The following RNASE4 variants were observed in gnomAD, a reference collection of about 807,000 sequenced individuals.
RNASE4 encodes the protein ribonuclease A family member 4.
For synonymous variants in RNASE4, 93 were observed against 71.4 expected (o/e 1.30, Z -1.52); for missense variants, 194 against 192.8 (o/e 1.01, Z -0.04).
rs542112339 is a variant in RNASE4 at position 20,688,276 on chromosome 14, G to A, written c.-18+3518G>A. ...AACCTTCTCTGGAAGTGCTTTCCTG[G>A]CTGTATGAAATCGATGGAATAACGT... On this transcript the variant is annotated intron_variant, in intron 1 of 1. Coordinates refer to ENST00000555835, the MANE Select transcript of RNASE4 (RefSeq NM_002937.5). Among the ~76,000 whole-genome samples the A allele has an allele frequency of 2.0e-5, 3 of 152,200 alleles. No individual in the cohort carries two copies. In the East Asian group the frequency reaches 5.8e-4, roughly 29 times the overall value.
chr14:20,688,514 C>A (rs565899528), intron 1 of RNASE4, among the ~76,000 whole-genome samples: 5 of 152,248 alleles, frequency 3.3e-5, no homozygotes, highest in Admixed American at 2.0e-4. Flanking sequence ...AAACCTCAGT[C>A]CTGCCATGAA....
chr14:20,699,747 G>T lies in RNASE4; in HGVS notation c.376G>T (p.Ala126Ser). 6.2e-7 allele frequency: 1 copy of T among 1,611,514 alleles called. No homozygotes were observed. Residue 126 changes from alanine (A) to serine (S), a missense_variant, in exon 2 of 2, where the codon GCG (alanine) becomes TCG (serine). Physicochemically the swap from Ala to Ser is moderately conservative, Grantham distance 99 (BLOSUM62 1). Transcript: ENST00000555835. Reference protein sequence around the residue: ...RAPNCRYRAIASTRRVVIACE... With the variant: ...RAPNCRYRAISSTRRVVIACE... ...ACCCAACTGCAGATATCGGGCCATA[G>T]CGAGCACTAGACGTGTTGTCATTGC...
At chr14:20,689,915 C>CAAA (rs58958050) in intron 1 of RNASE4, among the ~76,000 whole-genome samples, 50 of 121,536 alleles carry the variant, frequency 4.1e-4, no homozygotes, top group South Asian at 1.3e-3. Context: ...GACTCTGTCT[C>CAAA]AAAAAAAAAA....
intron 1 of RNASE4, chr14:20,694,139 G>A: frequency 1.0e-6 from 1 of 960,366 alleles, no homozygotes; most frequent in Non-Finnish European, 1.7e-6. Flanking sequence ...TTTGTTTTCT[G>A]TTTGACAACA....
intron 1 of RNASE4, among the ~76,000 whole-genome samples, chr14:20,697,152 T>C (rs1306261874): frequency 6.6e-6 from 1 of 152,232 alleles, no homozygotes; most frequent in South Asian, 2.1e-4. Context: ...AAAGCTGACG[T>C]CCTGGGTCTG....
At chr14:20,688,655 C>A in intron 1 of RNASE4, 1 of 983,190 alleles carries the variant, frequency 1.0e-6, no homozygotes, top group Non-Finnish European at 1.2e-6. Context: ...TCATGCCCAG[C>A]GAAAAGGTGA....
intron 1 of RNASE4, chr14:20,693,336 A>T (rs1258549063): frequency 1.6e-6 from 1 of 630,442 alleles, no homozygotes; most frequent in Non-Finnish European, 2.8e-6. Flanking sequence ...TTGGAGCTAG[A>T]GGTTGTGCTC....
chr14:20,692,594 A>AGAG (rs1886824879), intron 1 of RNASE4, among the ~76,000 whole-genome samples: 1 of 152,206 alleles, frequency 6.6e-6, no homozygotes, highest in Non-Finnish European at 1.5e-5. Flanking sequence ...TGCACTCTTT[A>AGAG]TGAGAATCTA....
Position 20,700,903 on chromosome 14 carries a change from A to G in RNASE4, c.*1088A>G, listed in dbSNP as rs1887269373. Reference sequence around the variant, plus strand: ...GGCCTGAAGCAACTGAAGAACCACAAAAGAAGTGAAAATAACCAATTCCTG... The same window carrying G: ...GGCCTGAAGCAACTGAAGAACCACAGAAGAAGTGAAAATAACCAATTCCTG... On this transcript the variant is annotated 3_prime_UTR_variant, in exon 2 of 2. Coordinates refer to ENST00000555835, the MANE Select transcript of RNASE4 (RefSeq NM_002937.5). 6.6e-6 allele frequency: 1 copy of G among 152,258 alleles called. No homozygotes were observed. The highest frequency in any genetic ancestry group is 2.1e-4 in the South Asian group (1 of 4,864). 9.4% of individuals were successfully genotyped at this position (152,258 alleles called of 1,614,324 possible).
chr14:20,695,950 T>G (rs1887079285), intron 1 of RNASE4, among the ~76,000 whole-genome samples: 1 of 152,212 alleles, frequency 6.6e-6, no homozygotes, highest in South Asian at 2.1e-4. Flanking sequence ...ACTAGAAAAT[T>G]TGCCATATTA....
chr14:20,690,950 C>A (rs1252428383), intron 1 of RNASE4, among the ~76,000 whole-genome samples: 2 of 152,202 alleles, frequency 1.3e-5, no homozygotes, highest in African/African-American at 4.8e-5. Context: ...AACCTGACAA[C>A]AGGTCGGTCT....
chr14:20,689,167 C>T (rs925416103), intron 1 of RNASE4, among the ~76,000 whole-genome samples: 6 of 152,182 alleles, frequency 3.9e-5, no homozygotes, highest in Admixed American at 2.0e-4. Flanking sequence ...GGAGTCCTCC[C>T]CCGTCGTCCA....
chr14:20,690,221 C>CAAAAAAAAAAA (rs36091065), intron 1 of RNASE4, among the ~76,000 whole-genome samples: 28 of 67,978 alleles, frequency 4.1e-4, no homozygotes, highest in African/African-American at 5.8e-4. Flanking sequence ...GACTCCGTCT[C>CAAAAAAAAAAA]AAAAAAAAAA....
intron 1 of RNASE4, among the ~76,000 whole-genome samples, chr14:20,694,723 T>C (rs1887019978): frequency 6.6e-6 from 1 of 152,234 alleles, no homozygotes; most frequent in Admixed American, 6.5e-5. Flanking sequence ...TCGTAGCTAC[T>C]AAGCAGAATT....
At chr14:20,699,065 C>T (rs1423084309) in intron 1 of RNASE4, 13 of 280,094 alleles carry the variant, frequency 4.6e-5, no homozygotes, top group South Asian at 8.5e-5. Flanking sequence ...TCTGTCCACA[C>T]AAACCTGGCA....
At chr14:20,696,062 T>G (rs1887083799) in intron 1 of RNASE4, among the ~76,000 whole-genome samples, 1 of 152,184 alleles carries the variant, frequency 6.6e-6, no homozygotes, top group African/African-American at 2.4e-5. Context: ...TTCCTTGAGG[T>G]GAGGCAAAGT....
intron 1 of RNASE4, among the ~76,000 whole-genome samples, chr14:20,696,348 A>G (rs1298119172): frequency 1.3e-5 from 2 of 152,192 alleles, no homozygotes; most frequent in Admixed American, 6.5e-5. Flanking sequence ...CTCTTGTTCT[A>G]TCACAACCAC....
At chr14:20,695,178 C>T (rs979716342) in intron 1 of RNASE4, among the ~76,000 whole-genome samples, 3 of 152,082 alleles carry the variant, frequency 2.0e-5, no homozygotes, top group African/African-American at 7.2e-5. Context: ...GGACAGATCA[C>T]GAGGTCAAGA....
intron 1 of RNASE4, among the ~76,000 whole-genome samples, chr14:20,696,502 A>C (rs1398094322): frequency 6.6e-6 from 1 of 152,216 alleles, no homozygotes; most frequent in African/African-American, 2.4e-5. Context: ...AATGCTTTGA[A>C]GAATAGTGAC....
Sources: gnomAD v4.1 joint callset for allele counts (sites outside exome capture counted in the v4.1 genomes callset) on GRCh38, gnomAD v4.1.1 for gene constraint, MANE v1.5 for transcripts, NCBI Gene and HGNC (gene_info 2026-07-23, HGNC 2026-07-21) for gene names.